Variants in SCAPER observed in about 807,000 individuals in gnomAD.
The protein encoded by SCAPER is S phase cyclin A-associated protein in the endoplasmic reticulum.
Under a neutral mutation model 182.2 loss-of-function variants are expected in SCAPER, and 98 were observed. The observed-to-expected ratio is 0.54, with a 90% CI of 0.46 to 0.64. SCAPER has a LOEUF of 0.64. SCAPER is among the 30% of genes least tolerant of loss of function. The pLI is 0.00. For synonymous variants in SCAPER, 605 were observed against 564.6 expected (o/e 1.07, Z -1.01); for missense variants, 1,432 against 1,690.0 (o/e 0.85, Z 2.68).
At chr15:76,622,816 A>T (rs1360898570) in intron 21 of SCAPER, among the ~76,000 whole-genome samples, 1 of 152,160 alleles carries the variant, frequency 6.6e-6, no homozygotes, top group Non-Finnish European at 1.5e-5. Context: ...TATCCCTATG[A>T]TATAATTTAG....
chr15:76,570,327 T>C (rs2047348768), intron 23 of SCAPER, among the ~76,000 whole-genome samples: 1 of 152,110 alleles, frequency 6.6e-6, no homozygotes. Context: ...AACATTTTTT[T>C]TTTTCTCACC....
intron 24 of SCAPER, among the ~76,000 whole-genome samples, chr15:76,499,253 A>G (rs1357981887): frequency 1.3e-5 from 2 of 152,222 alleles, no homozygotes; most frequent in African/African-American, 4.8e-5. Flanking sequence ...AGCTCAGCTA[A>G]ACTGATGATG....
chr15:76,681,846 C>T (rs1327380324), intron 20 of SCAPER, among the ~76,000 whole-genome samples: 1 of 152,150 alleles, frequency 6.6e-6, no homozygotes, highest in African/African-American at 2.4e-5. Context: ...GGTGTGGGAA[C>T]GTCTGCAGTA....
chr15:76,515,619 T>G (rs1196641970), intron 23 of SCAPER, among the ~76,000 whole-genome samples: 2 of 152,134 alleles, frequency 1.3e-5, no homozygotes, highest in African/African-American at 4.8e-5. Context: ...TTCTCAGAGG[T>G]GGCAATTTCT....
At chr15:76,747,410 G>A (rs1390595644) in intron 15 of SCAPER, among the ~76,000 whole-genome samples, 2 of 152,110 alleles carry the variant, frequency 1.3e-5, no homozygotes, top group African/African-American at 2.4e-5. Context: ...GCTGAGGCAG[G>A]AGAATCGCCT....
intron 25 of SCAPER, among the ~76,000 whole-genome samples, chr15:76,444,678 C>T (rs1027395373): frequency 6.6e-6 from 1 of 152,130 alleles, no homozygotes; most frequent in Admixed American, 6.6e-5. Context: ...ACTTTTTCAT[C>T]CCTGTCTTTT....
At chr15:76,428,824 T>A (rs1231795291) in intron 26 of SCAPER, among the ~76,000 whole-genome samples, 1 of 141,410 alleles carries the variant, frequency 7.1e-6, no homozygotes, top group Non-Finnish European at 1.5e-5. Context: ...GACAAATGTA[T>A]GAGGTTATGA....
At chr15:76,351,017 T>G in intron 31 of SCAPER, 1 of 416,122 alleles carries the variant, frequency 2.4e-6, no homozygotes, top group South Asian at 6.5e-5. Flanking sequence ...TTTGTGCTTT[T>G]CTTTTACTCC....
intron 26 of SCAPER, among the ~76,000 whole-genome samples, chr15:76,412,302 T>C (rs2045346388): frequency 6.6e-6 from 1 of 152,128 alleles, no homozygotes; most frequent in African/African-American, 2.4e-5. Context: ...GTAAGATATT[T>C]AACACCAAGA....
At chr15:76,788,315 A>G (rs1286692268) in intron 8 of SCAPER, among the ~76,000 whole-genome samples, 1 of 152,244 alleles carries the variant, frequency 6.6e-6, no homozygotes. Context: ...AATGAACTAT[A>G]TACTTTAAAC....
intron 26 of SCAPER, among the ~76,000 whole-genome samples, chr15:76,406,334 C>G (rs1040088579): frequency 6.6e-6 from 1 of 151,900 alleles, no homozygotes; most frequent in Non-Finnish European, 1.5e-5. Context: ...AAAAATTAGC[C>G]AGGCATGGTG....
At chr15:76,452,128 A>G (rs557698360) in intron 25 of SCAPER, among the ~76,000 whole-genome samples, 1 of 152,140 alleles carries the variant, frequency 6.6e-6, no homozygotes, top group South Asian at 2.1e-4. Context: ...ATATGTACAC[A>G]TGTGTATTGT....
chr15:76,729,570 G>A (rs910524949), intron 16 of SCAPER, among the ~76,000 whole-genome samples: 3 of 152,120 alleles, frequency 2.0e-5, no homozygotes, highest in African/African-American at 7.2e-5. Flanking sequence ...CACAGTGGGT[G>A]TAAGAGTGGA....
intron 25 of SCAPER, among the ~76,000 whole-genome samples, chr15:76,462,404 T>C (rs750157510): frequency 1.3e-5 from 2 of 152,160 alleles, no homozygotes; most frequent in African/African-American, 4.8e-5. Flanking sequence ...TCTTCTATGA[T>C]GTGGATTCTT....
At chr15:76,450,204 A>G (rs1384869152) in intron 25 of SCAPER, among the ~76,000 whole-genome samples, 2 of 152,228 alleles carry the variant, frequency 1.3e-5, no homozygotes, top group African/African-American at 4.8e-5. Flanking sequence ...CTTGTCTGAA[A>G]AGGGCACTCA....
chr15:76,734,616 G>A (rs2061132586), intron 15 of SCAPER, among the ~76,000 whole-genome samples: 3 of 151,898 alleles, frequency 2.0e-5, no homozygotes, highest in African/African-American at 4.8e-5. Flanking sequence ...TGGTGGCTAC[G>A]CCTGTAATGC....
intron 22 of SCAPER, among the ~76,000 whole-genome samples, chr15:76,574,940 T>C (rs1456844742): frequency 1.3e-5 from 2 of 152,144 alleles, no homozygotes; most frequent in Admixed American, 6.6e-5. Flanking sequence ...AATCCACTAA[T>C]AGATGCTCAC....
intron 21 of SCAPER, among the ~76,000 whole-genome samples, chr15:76,661,616 C>A (rs1286749349): frequency 6.6e-6 from 1 of 152,052 alleles, no homozygotes; most frequent in Non-Finnish European, 1.5e-5. Context: ...AAATGCAAAT[C>A]AAAACCACAA....
chr15:76,511,333 C>T (rs1260462475), intron 23 of SCAPER, among the ~76,000 whole-genome samples: 1 of 152,194 alleles, frequency 6.6e-6, no homozygotes, highest in Non-Finnish European at 1.5e-5. Context: ...GCAAAATTTA[C>T]TCTTGATTTG....
Sources: allele counts gnomAD v4.1 joint callset (sites outside exome capture counted in the v4.1 genomes callset), GRCh38; gene constraint gnomAD v4.1.1; transcripts MANE v1.5; gene names NCBI Gene and HGNC (gene_info 2026-07-23, HGNC 2026-07-21).